The following OR2C1 variants were observed in gnomAD, a reference collection of about 807,000 sequenced individuals.
OR2C1 encodes the protein olfactory receptor family 2 subfamily C member 1, also known as olfactory receptor 2C1.
For synonymous variants in OR2C1, 209 were observed against 167.3 expected, an observed-to-expected ratio of 1.25 and a Z score of -1.92; for missense variants, 468 against 388.3, an observed-to-expected ratio of 1.21 and a Z score of -1.73.
the OR2C1 span, among the ~76,000 whole-genome samples, chr16:3,346,636 T>TTTC: frequency 1.3e-5 from 2 of 149,868 alleles, no homozygotes; most frequent in East Asian, 4.0e-4. Context: ...TTTTTTTTTT[T>TTTC]TTTTTGAGAT....
chr16:3,331,589 T>G, the OR2C1 span, among the ~76,000 whole-genome samples: 117,231 of 149,580 alleles, frequency 0.78, 46,024 homozygotes, highest in East Asian at 0.93. Flanking sequence ...GGGATCCAGT[T>G]TCAGCTTTCT....
At chr16:3,355,865 C>A, upstream of OR2C1, 3 of 1,070,008 alleles carry the variant, frequency 2.8e-6, no homozygotes, top group African/African-American at 1.6e-5. Context: ...TCCACCTCAT[C>A]CAACAGCTTT....
the OR2C1 span, among the ~76,000 whole-genome samples, chr16:3,340,233 C>G: frequency 2.0e-5 from 3 of 151,828 alleles, no homozygotes; most frequent in South Asian, 6.2e-4. Flanking sequence ...GAGCCAAGAT[C>G]ACACCACTGC....
the OR2C1 span, among the ~76,000 whole-genome samples, chr16:3,336,561 A>G: frequency 4.0e-5 from 6 of 151,652 alleles, no homozygotes; most frequent in African/African-American, 1.5e-4. Context: ...GAGTTTCGCC[A>G]TGTTGACCAG....
At chr16:3,348,304 C>A in the OR2C1 span, among the ~76,000 whole-genome samples, 1 of 152,110 alleles carries the variant, frequency 6.6e-6, no homozygotes, top group Non-Finnish European at 1.5e-5. Flanking sequence ...GCACAGCATT[C>A]CATGGAGGGG....
chr16:3,347,573 T>C, the OR2C1 span, among the ~76,000 whole-genome samples: 1 of 151,968 alleles, frequency 6.6e-6, no homozygotes, highest in African/African-American at 2.4e-5. Context: ...TGCTTTTTTC[T>C]TTCCTTCCAG....
the OR2C1 span, among the ~76,000 whole-genome samples, chr16:3,333,224 T>TGTTTTTTTG: frequency 8.1e-6 from 1 of 123,746 alleles, no homozygotes; most frequent in African/African-American, 3.4e-5. Context: ...TTTTTTTTTT[T>TGTTTTTTTG]TTTTTTTTTT....
At chr16:3,330,413 G>A in the OR2C1 span, among the ~76,000 whole-genome samples, 1 of 152,278 alleles carries the variant, frequency 6.6e-6, no homozygotes, top group East Asian at 1.9e-4. Flanking sequence ...ACCATGCCCG[G>A]CTGATTTTAA....
At chr16:3,355,782 A>C (rs1478089150), upstream of OR2C1, 2 of 621,240 alleles carry the variant, frequency 3.2e-6, no homozygotes, top group African/African-American at 1.8e-5. Context: ...ACTCTGTCTC[A>C]AAAAACAAAC....
the OR2C1 span, among the ~76,000 whole-genome samples, chr16:3,349,292 C>A: frequency 2.0e-5 from 3 of 152,162 alleles, no homozygotes; most frequent in African/African-American, 7.2e-5. Context: ...TGAGTCGGTT[C>A]TTCAGGGACA....
chr16:3,322,968 G>C, the OR2C1 span: 1 of 983,374 alleles, frequency 1.0e-6, no homozygotes, highest in Non-Finnish European at 1.2e-6. Flanking sequence ...GGCAGCCAAT[G>C]TAGAAAATGC....
the OR2C1 span, among the ~76,000 whole-genome samples, chr16:3,340,104 C>A: frequency 6.6e-6 from 1 of 151,976 alleles, no homozygotes; most frequent in Non-Finnish European, 1.5e-5. Flanking sequence ...CATGGTGAAA[C>A]CCCATCTCTA....
At chr16:3,328,360 C>A in the OR2C1 span, among the ~76,000 whole-genome samples, 4 of 152,210 alleles carry the variant, frequency 2.6e-5, no homozygotes, top group African/African-American at 7.2e-5. Context: ...CTTAAATTAA[C>A]CTGCTGACAA....
At chr16:3,323,140 G>T in the OR2C1 span, 1 of 553,338 alleles carries the variant, frequency 1.8e-6, no homozygotes, top group East Asian at 3.6e-5. Context: ...AAAAACACAT[G>T]CTTCCACTTC....
chr16:3,345,756 T>A, the OR2C1 span, among the ~76,000 whole-genome samples: 1 of 151,124 alleles, frequency 6.6e-6, no homozygotes, highest in East Asian at 2.0e-4. Context: ...TTCCTCTCTC[T>A]CGTTCTCTCT....
chr16:3,338,433 G>A, the OR2C1 span, among the ~76,000 whole-genome samples: 1 of 152,010 alleles, frequency 6.6e-6, no homozygotes, highest in Non-Finnish European at 1.5e-5. Context: ...TTTTCCATGT[G>A]CTTGGTGCTG....
upstream of OR2C1, among the ~76,000 whole-genome samples, chr16:3,352,129 T>TC (rs1460594767): frequency 6.6e-6 from 1 of 152,112 alleles, no homozygotes; most frequent in Non-Finnish European, 1.5e-5. Flanking sequence ...ATTTTAATTT[T>TC]TTTTTGAGAC....
At chr16:3,351,453 A>G (rs1188028860), upstream of OR2C1, among the ~76,000 whole-genome samples, 3 of 152,136 alleles carry the variant, frequency 2.0e-5, no homozygotes, top group Non-Finnish European at 4.4e-5. Flanking sequence ...TAATTGGAAG[A>G]AAATTTGTTA....
chr16:3,338,004 G>A, the OR2C1 span, among the ~76,000 whole-genome samples: 1 of 152,122 alleles, frequency 6.6e-6, no homozygotes, highest in Admixed American at 6.6e-5. Flanking sequence ...GGCAGTAGAC[G>A]GTGCCTTAAG....
Sources: allele counts gnomAD v4.1 joint callset (sites outside exome capture counted in the v4.1 genomes callset), GRCh38; gene constraint gnomAD v4.1.1; transcripts MANE v1.5; gene names NCBI Gene and HGNC (gene_info 2026-07-23, HGNC 2026-07-21).